Variants in AKT3 observed in about 807,000 individuals in gnomAD.
The protein encoded by AKT3 is AKT serine/threonine kinase 3, also known as RAC-gamma serine/threonine-protein kinase.
In AKT3, 15 loss-of-function variants were observed where a neutral mutation model predicts 65.3. The observed-to-expected ratio is 0.23, with a 90% CI of 0.15 to 0.35. AKT3 has a LOEUF of 0.35. Ranked by LOEUF, AKT3 falls within the 10% of genes least tolerant of loss-of-function variation. The pLI, the probability that AKT3 is intolerant of heterozygous loss-of-function variation, is 1.00. For synonymous variants in AKT3, 206 were observed against 183.8 expected (o/e 1.12, Z -0.98); for missense variants, 243 against 576.5 (o/e 0.42, Z 5.92).
intron 8 of AKT3, among the ~76,000 whole-genome samples, chr1:243,602,199 A>C (rs1010136130): frequency 6.6e-6 from 1 of 152,180 alleles, no homozygotes; most frequent in Non-Finnish European, 1.5e-5. Context: ...TTAACCATTC[A>C]TTTTTTAAAA....
At chr1:243,497,423 A>G (rs535342189), downstream of AKT3, among the ~76,000 whole-genome samples, 18 of 151,972 alleles carry the variant, frequency 1.2e-4, no homozygotes, top group African/African-American at 4.3e-4. Flanking sequence ...GAACCGCAGG[A>G]AATACAAAGC....
Position 243,517,572 on chromosome 1 carries a change from T to G in AKT3, c.1252-5146A>C, listed in dbSNP as rs147854503. 3.3e-3 allele frequency among the ~76,000 whole-genome samples: 508 copies of G among 152,356 alleles called. 7 individuals carry two copies. The highest frequency in any genetic ancestry group is 0.011 in the African/African-American group (469 of 41,578). On this transcript the variant is annotated intron_variant, in intron 12 of 13. Transcript: ENST00000673466. Reference sequence around the variant, plus strand: ...AAATGTTCCTCCTTATCTCCAGCAATATTACTTGCTTTGAAATCTACTTCA... The same window carrying G: ...AAATGTTCCTCCTTATCTCCAGCAAGATTACTTGCTTTGAAATCTACTTCA...
chr1:243,661,163 C>T (rs1682292207), intron 4 of AKT3, among the ~76,000 whole-genome samples: 1 of 152,164 alleles, frequency 6.6e-6, no homozygotes, highest in Non-Finnish European at 1.5e-5. Context: ...ATGCCATCCC[C>T]ATCAAGCTAC....
At chr1:243,527,226 A>G (rs1182501300) in intron 12 of AKT3, among the ~76,000 whole-genome samples, 1 of 152,218 alleles carries the variant, frequency 6.6e-6, no homozygotes. Context: ...ATAGATAAAA[A>G]TATTACTTAT....
chr1:243,502,731 C>CT lies in AKT3; in HGVS notation c.*2517dup, dbSNP rs1380912475. 1.3e-5 allele frequency: 3 copies of CT among 233,172 alleles called. No homozygotes were observed. The highest frequency in any genetic ancestry group is 6.6e-5 in the African/African-American group (3 of 45,356). 14.4% of individuals were successfully genotyped at this position (233,172 alleles called of 1,614,324 possible). A position where few individuals can be genotyped will look rare whatever the true frequency, so the allele number is the denominator to read the frequency against. On this transcript the variant is annotated 3_prime_UTR_variant, in exon 14 of 14. Transcript: ENST00000673466. ...ACACCTTGTGTGACACCAATGGAGTCTCAGAGGGTGGAATAGAAGTGACTG... is the reference window on the plus strand; with the variant it reads ...ACACCTTGTGTGACACCAATGGAGTCTTCAGAGGGTGGAATAGAAGTGACTG...
chr1:243,527,328 T>G (rs760717737), intron 12 of AKT3, among the ~76,000 whole-genome samples: 2 of 152,326 alleles, frequency 1.3e-5, no homozygotes, highest in African/African-American at 2.4e-5. Context: ...GGCAAGATTT[T>G]TTCTTCTTTT....
intron 2 of AKT3, among the ~76,000 whole-genome samples, chr1:243,744,295 G>A (rs901587953): frequency 4.6e-5 from 7 of 152,164 alleles, no homozygotes; most frequent in Admixed American, 2.0e-4. Flanking sequence ...GACTGTAAGG[G>A]TAGAGGAAGG....
At chr1:243,796,100 C>T (rs1269654356) in intron 2 of AKT3, among the ~76,000 whole-genome samples, 1 of 152,198 alleles carries the variant, frequency 6.6e-6, no homozygotes, top group Admixed American at 6.5e-5. Flanking sequence ...TGTGCACTTA[C>T]AGGTACTGTG....
intron 3 of AKT3, among the ~76,000 whole-genome samples, chr1:243,665,990 C>T (rs558409149): frequency 6.6e-6 from 1 of 152,084 alleles, no homozygotes; most frequent in Non-Finnish European, 1.5e-5. Flanking sequence ...ATTCTTTACT[C>T]AGATTAGCTG....
At chr1:243,849,915 G>T in intron 1 of AKT3, 125 bp downstream of exon 1, 1 of 708,644 alleles carries the variant, frequency 1.4e-6, no homozygotes, top group Non-Finnish European at 1.7e-6. Flanking sequence ...AGAAGCCCCC[G>T]CCTCACCCCA....
At chr1:243,625,566 T>C (rs1360646511) in intron 6 of AKT3, among the ~76,000 whole-genome samples, 1 of 151,980 alleles carries the variant, frequency 6.6e-6, no homozygotes, top group Admixed American at 6.6e-5. Context: ...CAATGGAAAA[T>C]TATGCTGAAA....
At chr1:243,550,258 A>AGGG (rs1332331006) in intron 11 of AKT3, among the ~76,000 whole-genome samples, 1 of 152,180 alleles carries the variant, frequency 6.6e-6, no homozygotes, top group Non-Finnish European at 1.5e-5. Flanking sequence ...GCAGCAGTGG[A>AGGG]GGGGCTTGAC....
At chr1:243,799,895 G>A (rs769508106) in intron 2 of AKT3, among the ~76,000 whole-genome samples, 30 of 152,134 alleles carry the variant, frequency 2.0e-4, no homozygotes, top group Non-Finnish European at 3.4e-4. Flanking sequence ...ATAGTGAAAA[G>A]AAAAATATTT....
intron 2 of AKT3, among the ~76,000 whole-genome samples, chr1:243,826,442 T>A (rs1392008512): frequency 6.6e-6 from 1 of 152,214 alleles, no homozygotes; most frequent in Non-Finnish European, 1.5e-5. Flanking sequence ...ATTCACCTTC[T>A]AACAGCTAGG....
intron 13 of AKT3, among the ~76,000 whole-genome samples, chr1:243,510,252 A>G (rs1218117397): frequency 6.6e-6 from 1 of 152,222 alleles, no homozygotes; most frequent in African/African-American, 2.4e-5. Context: ...GGCCCTCACC[A>G]TATTCTGTGT....
At chr1:243,829,821 A>G (rs7519673) in intron 2 of AKT3, among the ~76,000 whole-genome samples, 20,253 of 152,190 alleles carry the variant, frequency 0.13, 1,629 homozygotes, top group East Asian at 0.32. Context: ...TCAAAACATA[A>G]TAAAAGTTCC....
At chr1:243,657,026 A>G (rs1006207397) in intron 4 of AKT3, among the ~76,000 whole-genome samples, 9 of 152,174 alleles carry the variant, frequency 5.9e-5, no homozygotes, top group African/African-American at 2.2e-4. Context: ...GAAGAGATAA[A>G]ATTGTTATTG....
intron 4 of AKT3, among the ~76,000 whole-genome samples, chr1:243,652,771 C>CAAAAAAAAAAAAAAAAAAA (rs371580711): frequency 1.9e-4 from 6 of 31,288 alleles, no homozygotes; most frequent in Admixed American, 4.7e-4. Context: ...AAATAGAAAG[C>CAAAAAAAAAAAAAAAAAAA]AAAAAAAAAA....
At chr1:243,595,982 G>C (rs1391876048) in intron 8 of AKT3, among the ~76,000 whole-genome samples, 1 of 152,176 alleles carries the variant, frequency 6.6e-6, no homozygotes, top group Non-Finnish European at 1.5e-5. Context: ...CGGCAGCACA[G>C]GTTTGCTTAC....
Sources: gnomAD v4.1 joint callset for allele counts (sites outside exome capture counted in the v4.1 genomes callset) on GRCh38, gnomAD v4.1.1 for gene constraint, MANE v1.5 for transcripts, NCBI Gene and HGNC (gene_info 2026-07-23, HGNC 2026-07-21) for gene names.